Variants in KCNK9 observed in about 807,000 individuals in gnomAD.
KCNK9 encodes potassium two pore domain channel subfamily K member 9.
Under a neutral mutation model 10.8 loss-of-function variants are expected in KCNK9, and 1 was observed. The ratio of observed to expected loss-of-function variants is 0.09; its 90% CI spans 0.03 to 0.44. KCNK9 has a LOEUF of 0.44. KCNK9 is among the 20% of genes least tolerant of loss of function. KCNK9 has a pLI of 0.97. For missense variants in KCNK9, 303 were observed against 515.0 expected (o/e 0.59, Z 3.98); for synonymous variants, 231 against 222.7 (o/e 1.04, Z -0.33).
chr8:139,703,093 C>T lies in KCNK9; in HGVS notation c.-101G>A. Reference sequence around the variant, plus strand: ...GCGGCCGCCGCCGCCTCCTCCTCCGCCGCCGCCGCCGCCGCCTCCAAGTTG... The same window carrying T: ...GCGGCCGCCGCCGCCTCCTCCTCCGTCGCCGCCGCCGCCGCCTCCAAGTTG... On this transcript the variant is annotated 5_prime_UTR_variant, in exon 1 of 2. Coordinates refer to ENST00000520439, the MANE Select transcript of KCNK9 (RefSeq NM_001282534.2). The surrounding 1 kb of genome is among the most constrained non-coding windows in gnomAD (Gnocchi z 6.4). 1.1e-6 allele frequency: 1 copy of T among 944,898 alleles called. No individual in the cohort carries two copies. The highest frequency in any genetic ancestry group is 3.6e-5 in the East Asian group (1 of 27,894). The allele number at this position is 944,898 out of a possible 1,614,324, so 58.5% of individuals were successfully genotyped here.
downstream of KCNK9, chr8:139,600,960 G>A (rs908675466): frequency 6.6e-6 from 1 of 152,296 alleles, no homozygotes; most frequent in African/African-American, 2.4e-5. Context: ...TACACGAGAA[G>A]CCTGAGGTTC....
chr8:139,664,687 G>C (rs565545810), intron 1 of KCNK9, among the ~76,000 whole-genome samples: 288 of 152,284 alleles, frequency 1.9e-3, no homozygotes, highest in African/African-American at 6.8e-3. Flanking sequence ...AGTCCAGCCT[G>C]GTCAGGCTGG....
downstream of KCNK9, among the ~76,000 whole-genome samples, chr8:139,615,010 C>T (rs1056569637): frequency 1.3e-5 from 2 of 152,142 alleles, no homozygotes; most frequent in South Asian, 4.2e-4. Flanking sequence ...GCTGTGACTT[C>T]GACCACCTTG....
At chr8:139,683,291 G>A (rs904805883) in intron 1 of KCNK9, among the ~76,000 whole-genome samples, 2 of 152,074 alleles carry the variant, frequency 1.3e-5, no homozygotes, top group African/African-American at 2.4e-5. Context: ...CCAGAGAGAA[G>A]AGCACCCGCC....
At chr8:139,634,708 G>C (rs1815286319) in intron 1 of KCNK9, among the ~76,000 whole-genome samples, 1 of 152,138 alleles carries the variant, frequency 6.6e-6, no homozygotes, top group African/African-American at 2.4e-5. Context: ...TCCCCAAACA[G>C]CTAGACATGG....
chr8:139,700,517 C>T (rs566512821), intron 1 of KCNK9, among the ~76,000 whole-genome samples: 13 of 138,856 alleles, frequency 9.4e-5, no homozygotes, highest in South Asian at 2.2e-4. Flanking sequence ...CACGCGCGCG[C>T]GCGCACACAC....
At chr8:139,622,746 G>A (rs1452551056) in intron 1 of KCNK9, among the ~76,000 whole-genome samples, 1 of 152,180 alleles carries the variant, frequency 6.6e-6, no homozygotes, top group Non-Finnish European at 1.5e-5. Context: ...TAACAAATGT[G>A]CTTATGATAG....
intron 1 of KCNK9, among the ~76,000 whole-genome samples, chr8:139,649,544 A>G (rs1180879210): frequency 6.6e-6 from 1 of 152,104 alleles, no homozygotes; most frequent in African/African-American, 2.4e-5. Context: ...TGAGATAGCC[A>G]CATGCCTGGA....
At chr8:139,655,865 C>T (rs925766923) in intron 1 of KCNK9, among the ~76,000 whole-genome samples, 4 of 152,146 alleles carry the variant, frequency 2.6e-5, no homozygotes, top group African/African-American at 4.8e-5. Context: ...CTGCCTACAG[C>T]GAGGGGGAGA....
At chr8:139,622,367 G>T (rs765483662) in intron 1 of KCNK9, among the ~76,000 whole-genome samples, 6 of 152,108 alleles carry the variant, frequency 3.9e-5, no homozygotes, top group African/African-American at 1.4e-4. Context: ...CTATTTAGGC[G>T]TTCCCAGCCA....
chr8:139,626,896 C>T (rs1814994989), intron 1 of KCNK9, among the ~76,000 whole-genome samples: 1 of 152,230 alleles, frequency 6.6e-6, no homozygotes, highest in South Asian at 2.1e-4. Context: ...CCTCAGGCTT[C>T]CCACCTGGCT....
intron 1 of KCNK9, among the ~76,000 whole-genome samples, chr8:139,699,954 C>T (rs1298713376): frequency 2.6e-5 from 4 of 152,236 alleles, no homozygotes; most frequent in South Asian, 4.1e-4. Context: ...AAAATCAAAA[C>T]GCCAATGAAG....
At position 139,618,472 on chromosome 8, in the gene KCNK9, G is replaced by A. The variant is rs201337202; in HGVS notation, c.911C>T (p.Ser304Leu). The stretch of plus-strand genomic sequence containing the variant: ...CACCGAGCGGCCGCCATAGTCCTGC[G>A]AGCGGTAGCAGGTGCAGGAGCACAC... Reference protein sequence around the residue: ...QSVCSCTCYRSQDYGGRSVAP... With the variant: ...QSVCSCTCYRLQDYGGRSVAP... The change falls in exon 2 of 2, where the codon TCG (serine) becomes TTG (leucine). Residue 304 changes from serine to leucine, a missense_variant. Coordinates refer to ENST00000520439, the MANE Select transcript of KCNK9 (RefSeq NM_001282534.2). This position sits in a 1 kb window ranked among gnomAD's most constrained non-coding sequence, Gnocchi z 7.9. The A allele has an allele frequency of 7.6e-5, 123 of 1,613,976 alleles. No individual in the cohort carries two copies. The highest frequency in any genetic ancestry group is 6.6e-5 in the Non-Finnish European group (78 of 1,180,036).
downstream of KCNK9, chr8:139,611,673 T>G (rs892307558): frequency 6.6e-6 from 1 of 152,282 alleles, no homozygotes; most frequent in Non-Finnish European, 1.5e-5. Context: ...TGTACCGGCC[T>G]TATGAGAAAT....
intron 1 of KCNK9, among the ~76,000 whole-genome samples, chr8:139,687,654 TCATATGTATA>T (rs1158673841): frequency 3.3e-4 from 16 of 48,052 alleles, no homozygotes; most frequent in Non-Finnish European, 6.4e-4. Flanking sequence ...ACATATATAT[TCATATGTATA>T]CATATGTATA....
At chr8:139,630,662 G>A (rs1009167011) in intron 1 of KCNK9, among the ~76,000 whole-genome samples, 2 of 152,192 alleles carry the variant, frequency 1.3e-5, no homozygotes, top group African/African-American at 4.8e-5. Flanking sequence ...CCGGGGACTT[G>A]GGCCTGCCCA....
In KCNK9 at chr8:139,701,222, T is replaced by C. The variant is rs566335054; in HGVS notation, c.283+1488A>G. Among the ~76,000 whole-genome samples the C allele has an allele frequency of 2.6e-5, 4 of 152,302 alleles. No individual in the cohort carries two copies. The East Asian group carries it at 5.8e-4, about 22-fold the overall frequency. ...CAGTGTGGGAAGGGAAGGAGTCATCTGTGTTTGGGGTGCTGGGCAAAGGGC... is the reference window on the plus strand; with the variant it reads ...CAGTGTGGGAAGGGAAGGAGTCATCCGTGTTTGGGGTGCTGGGCAAAGGGC... On this transcript the variant is annotated intron_variant, in intron 1 of 1. Coordinates refer to ENST00000520439, the MANE Select transcript of KCNK9 (RefSeq NM_001282534.2).
At chr8:139,655,608 G>A (rs1271721736) in intron 1 of KCNK9, among the ~76,000 whole-genome samples, 1 of 152,204 alleles carries the variant, frequency 6.6e-6, no homozygotes, top group Non-Finnish European at 1.5e-5. Context: ...GCCACCCTGT[G>A]AGAAATCCCT....
chr8:139,686,595 G>T (rs1365392565), intron 1 of KCNK9, among the ~76,000 whole-genome samples: 1 of 152,294 alleles, frequency 6.6e-6, no homozygotes. Context: ...TATTGTTGTT[G>T]TTATCATCCT....
Sources: gnomAD v4.1 joint callset for allele counts (sites outside exome capture counted in the v4.1 genomes callset) on GRCh38, gnomAD v4.1.1 for gene constraint, Gnocchi (gnomAD v3.1) non-coding constraint, MANE v1.5 for transcripts, NCBI Gene and HGNC (gene_info 2026-07-23, HGNC 2026-07-21) for gene names.